Variants in AUTS2 observed in about 807,000 individuals in gnomAD.
AUTS2 encodes activator of transcription and developmental regulator AUTS2.
Under a neutral mutation model 112.4 loss-of-function variants are expected in AUTS2, and 17 were observed. The observed-to-expected ratio is 0.15, with a 90% confidence interval of 0.10 to 0.23. The LOEUF is 0.23. AUTS2 is among the 10% of genes least tolerant of loss of function. The probability of loss-of-function intolerance (pLI) is 1.00; values close to 1 mark genes in which losing one functional copy is unlikely to be tolerated. For missense variants in AUTS2, 1,510 were observed against 1,701.6 expected (o/e 0.89, Z 1.98); for synonymous variants, 751 against 702.7 (o/e 1.07, Z -1.09).
chr7:69,845,091 A>G (rs1305407115), intron 1 of AUTS2, among the ~76,000 whole-genome samples: 2 of 152,146 alleles, frequency 1.3e-5, no homozygotes, highest in Non-Finnish European at 2.9e-5. Context: ...TCCCTCTGCT[A>G]TTCAAAGTGT....
chr7:70,774,546 G>A (rs745772043), intron 12 of AUTS2, among the ~76,000 whole-genome samples: 2 of 152,108 alleles, frequency 1.3e-5, no homozygotes, highest in Non-Finnish European at 2.9e-5. Context: ...TGTACTGCAC[G>A]GCTCTTTGGC....
At chr7:70,511,651 C>T (rs1475356506) in intron 5 of AUTS2, among the ~76,000 whole-genome samples, 1 of 129,978 alleles carries the variant, frequency 7.7e-6, no homozygotes, top group Non-Finnish European at 1.5e-5. Context: ...TCTGGGCTCA[C>T]TGCAATCTCT....
chr7:69,710,497 A>G (rs957357557), intron 1 of AUTS2, among the ~76,000 whole-genome samples: 1 of 152,220 alleles, frequency 6.6e-6, no homozygotes, highest in Admixed American at 6.5e-5. Context: ...ATGATGGGAC[A>G]TGTCTTAGTC....
chr7:69,919,152 G>C (rs1452058261), intron 2 of AUTS2, among the ~76,000 whole-genome samples: 1 of 152,114 alleles, frequency 6.6e-6, no homozygotes, highest in East Asian at 1.9e-4. Context: ...TTCAGAGGGG[G>C]AAACAATGGA....
chr7:69,825,714 T>A (rs753080556), intron 1 of AUTS2: 1 of 152,164 alleles, frequency 6.6e-6, no homozygotes, highest in Non-Finnish European at 1.5e-5. Context: ...ACTTAATCCC[T>A]GAGCCTTTCT....
intron 1 of AUTS2, among the ~76,000 whole-genome samples, chr7:69,761,843 G>T (rs1186568243): frequency 6.6e-6 from 1 of 152,172 alleles, no homozygotes; most frequent in Non-Finnish European, 1.5e-5. Flanking sequence ...CCTCCCACTG[G>T]ATCTTTACAA....
intron 2 of AUTS2, among the ~76,000 whole-genome samples, chr7:70,005,614 G>A (rs997371178): frequency 2.6e-5 from 4 of 152,088 alleles, no homozygotes; most frequent in African/African-American, 9.7e-5. Flanking sequence ...CTCAAAGAGG[G>A]AAGTTTGGGA....
intron 2 of AUTS2, among the ~76,000 whole-genome samples, chr7:69,918,874 T>G (rs1161658077): frequency 6.6e-6 from 1 of 152,144 alleles, no homozygotes; most frequent in Non-Finnish European, 1.5e-5. Context: ...GAAAAGCTTT[T>G]TTTAAACAAT....
At chr7:69,909,131 T>G (rs1207568844) in intron 2 of AUTS2, among the ~76,000 whole-genome samples, 1 of 152,240 alleles carries the variant, frequency 6.6e-6, no homozygotes, top group African/African-American at 2.4e-5. Flanking sequence ...ACAACATATC[T>G]TGCGGAAATT....
intron 2 of AUTS2, among the ~76,000 whole-genome samples, chr7:69,909,055 A>G (rs1378156527): frequency 6.6e-6 from 1 of 152,138 alleles, no homozygotes; most frequent in African/African-American, 2.4e-5. Flanking sequence ...AACTGTACTT[A>G]TTTTTTATTT....
chr7:70,775,407 A>G (rs201308562), intron 13 of AUTS2, 21 bp downstream of exon 13: 1 of 1,605,028 alleles, frequency 6.2e-7, no homozygotes, highest in South Asian at 1.1e-5. Flanking sequence ...TTCTTATAGA[A>G]CTGTTTTGCA....
At chr7:69,640,336 C>A (rs1794748921) in intron 1 of AUTS2, among the ~76,000 whole-genome samples, 1 of 152,202 alleles carries the variant, frequency 6.6e-6, no homozygotes, top group Non-Finnish European at 1.5e-5. Flanking sequence ...GCATTCTCTT[C>A]CACTGGATTT....
intron 4 of AUTS2, among the ~76,000 whole-genome samples, chr7:70,317,750 C>T (rs1206630263): frequency 6.6e-6 from 1 of 152,196 alleles, no homozygotes; most frequent in Admixed American, 6.5e-5. Context: ...ATGGCCCTGC[C>T]TTCAAGGTCA....
chr7:70,477,637 C>T (rs1389442147), intron 5 of AUTS2, among the ~76,000 whole-genome samples: 1 of 152,144 alleles, frequency 6.6e-6, no homozygotes, highest in African/African-American at 2.4e-5. Flanking sequence ...TAATTTATAA[C>T]AGCAATAACC....
chr7:70,085,383 T>G (rs532584322), intron 2 of AUTS2, among the ~76,000 whole-genome samples: 108 of 151,272 alleles, frequency 7.1e-4, no homozygotes, highest in Non-Finnish European at 1.3e-3. Flanking sequence ...TTTTTTTTTT[T>G]GAGATGGAGT....
intron 2 of AUTS2, among the ~76,000 whole-genome samples, chr7:70,001,696 A>T (rs1416861367): frequency 2.0e-5 from 3 of 151,228 alleles, no homozygotes; most frequent in African/African-American, 7.3e-5. Context: ...ATTGAATTAT[A>T]GCCTCATTGT....
intron 3 of AUTS2, chr7:70,118,474 A>T: frequency 2.4e-6 from 1 of 408,588 alleles, no homozygotes; most frequent in Non-Finnish European, 4.1e-6. Context: ...AGGAGGAACT[A>T]TTTGTTACCT....
intron 4 of AUTS2, among the ~76,000 whole-genome samples, chr7:70,230,692 G>T (rs1002480418): frequency 6.6e-6 from 1 of 152,206 alleles, no homozygotes; most frequent in Admixed American, 6.5e-5. Context: ...CAGGCCATCA[G>T]AGATAAGTAG....
chr7:70,369,323 T>G (rs1478385983), intron 4 of AUTS2, among the ~76,000 whole-genome samples: 1 of 152,208 alleles, frequency 6.6e-6, no homozygotes, highest in Admixed American at 6.5e-5. Context: ...ATTCATGTTC[T>G]CAGAGAATGT....
Sources: gnomAD v4.1 joint callset for allele counts (sites outside exome capture counted in the v4.1 genomes callset) on GRCh38, gnomAD v4.1.1 for gene constraint, MANE v1.5 for transcripts, NCBI Gene and HGNC (gene_info 2026-07-23, HGNC 2026-07-21) for gene names.